Variants in PTPRN2 observed in about 807,000 individuals in gnomAD.
PTPRN2 encodes the protein protein tyrosine phosphatase receptor type N2, also known as receptor-type tyrosine-protein phosphatase N2.
In PTPRN2, 74 loss-of-function variants were observed where a neutral mutation model predicts 118.8. That is an observed-to-expected ratio of 0.62 (90% CI 0.52 to 0.76). The LOEUF is 0.76. PTPRN2 is among the 30% of genes least tolerant of loss of function. PTPRN2 has a pLI of 0.00. For synonymous variants in PTPRN2, 641 were observed against 608.0 expected (o/e 1.05, Z -0.80); for missense variants, 1,481 against 1,394.4 (o/e 1.06, Z -0.99).
Position 158,570,931 on chromosome 7 carries a change from CA to C in PTPRN2, c.112+16626del, listed in dbSNP as rs1586961942. On this transcript the variant is annotated intron_variant, in intron 1 of 22. Coordinates refer to ENST00000389418, the MANE Select transcript of PTPRN2 (RefSeq NM_002847.5). The surrounding 1 kb of genome is among the most constrained non-coding windows in gnomAD (Gnocchi z 4.5). ...TCCTCTGCTCAGAAGCCCACCCCTG[CA>C]GAGCAAAGCCCGGGTCCCGGATGGC... 6.6e-6 allele frequency among the ~76,000 whole-genome samples: 1 copy of C among 152,242 alleles called. No individual in the cohort carries two copies. Among genetic ancestry groups the C allele is most frequent in the South Asian group, 2.1e-4 (1 of 4,834 alleles).
chr7:158,042,183 A>G (rs1217357254), intron 11 of PTPRN2, among the ~76,000 whole-genome samples: 1 of 152,210 alleles, frequency 6.6e-6, no homozygotes, highest in Non-Finnish European at 1.5e-5. Flanking sequence ...TTTTGGGTGC[A>G]TACTTCATAC....
At chr7:157,800,886 A>T (rs935461298) in intron 12 of PTPRN2, among the ~76,000 whole-genome samples, 5 of 151,792 alleles carry the variant, frequency 3.3e-5, no homozygotes, top group African/African-American at 7.3e-5. Flanking sequence ...CGGGAGGCGG[A>T]GCTTGCAGTG....
At chr7:157,722,066 T>C (rs1799270319) in intron 12 of PTPRN2, among the ~76,000 whole-genome samples, 1 of 151,972 alleles carries the variant, frequency 6.6e-6, no homozygotes, top group Admixed American at 6.5e-5. Flanking sequence ...AGAAACATTG[T>C]CTGTATCTGG....
At chr7:158,346,507 T>C (rs528785946) in intron 2 of PTPRN2, among the ~76,000 whole-genome samples, 6 of 152,378 alleles carry the variant, frequency 3.9e-5, no homozygotes, top group African/African-American at 1.4e-4. Flanking sequence ...TGTGTCTTTA[T>C]CCATCCATCT....
chr7:157,646,938 C>T (rs1016330231), intron 14 of PTPRN2, among the ~76,000 whole-genome samples: 4 of 148,146 alleles, frequency 2.7e-5, no homozygotes, highest in Non-Finnish European at 4.4e-5. Context: ...TGGGTCAGAC[C>T]CATCCAGGGT....
chr7:158,393,895 C>T (rs1812133898), intron 2 of PTPRN2, among the ~76,000 whole-genome samples: 1 of 152,054 alleles, frequency 6.6e-6, no homozygotes, highest in South Asian at 2.1e-4. Flanking sequence ...GCCACGTCCC[C>T]TAACACACAA....
chr7:157,587,685 C>T lies in PTPRN2; in HGVS notation c.2496+7553G>A, dbSNP rs1800755302. On this transcript the variant is annotated intron_variant, in intron 17 of 22. Transcript: ENST00000389418. This position sits in a 1 kb window ranked among gnomAD's most constrained non-coding sequence, Gnocchi z 5.3. ...CCAGTGGGACACCTGCTGACTTCAG[C>T]GAGCGCTTTGTGCTCTCTCTGGGGG... 6.6e-6 allele frequency among the ~76,000 whole-genome samples: 1 copy of T among 152,222 alleles called. No individual in the cohort carries two copies. The highest frequency in any genetic ancestry group is 1.5e-5 in the Non-Finnish European group (1 of 68,034).
chr7:157,724,681 T>G (rs1409146119), intron 12 of PTPRN2, among the ~76,000 whole-genome samples: 1 of 152,234 alleles, frequency 6.6e-6, no homozygotes, highest in Admixed American at 6.5e-5. Context: ...CAAAGCCTGT[T>G]TATGATAAAG....
At chr7:157,715,617 C>T (rs1345993815) in intron 12 of PTPRN2, among the ~76,000 whole-genome samples, 3 of 152,194 alleles carry the variant, frequency 2.0e-5, no homozygotes, top group African/African-American at 2.4e-5. Flanking sequence ...AAATCTAAAC[C>T]ACTCCAGAAA....
intron 2 of PTPRN2, among the ~76,000 whole-genome samples, chr7:158,394,106 A>G (rs1460333906): frequency 9.0e-6 from 1 of 110,852 alleles, no homozygotes; most frequent in East Asian, 2.6e-4. Context: ...TCTCTCCCAC[A>G]GACACCTGGA....
chr7:158,182,066 T>C (rs1824758486), intron 5 of PTPRN2, among the ~76,000 whole-genome samples: 1 of 152,254 alleles, frequency 6.6e-6, no homozygotes, highest in Non-Finnish European at 1.5e-5. Flanking sequence ...AACTTTCCTC[T>C]TAGCATTGCT....
chr7:157,877,890 A>G (rs1023644203), intron 12 of PTPRN2, among the ~76,000 whole-genome samples: 1 of 152,204 alleles, frequency 6.6e-6, no homozygotes, highest in Non-Finnish European at 1.5e-5. Context: ...GGAGAAGAGG[A>G]ACAGGAAATA....
intron 22 of PTPRN2, among the ~76,000 whole-genome samples, chr7:157,547,585 A>G (rs945115728): frequency 1.3e-5 from 2 of 151,990 alleles, no homozygotes; most frequent in African/African-American, 4.8e-5. Context: ...CTCGCAACAC[A>G]TGCCGAATGC....
In PTPRN2 at chr7:157,619,194, G is replaced by A. The variant is rs1234161970; in HGVS notation, c.2344+2168C>T. 2.0e-5 allele frequency among the ~76,000 whole-genome samples: 3 copies of A among 152,098 alleles called. No homozygotes were observed. Among genetic ancestry groups the A allele is most frequent in the African/African-American group, 4.8e-5 (2 of 41,410 alleles). ...GGGCACACGGGAGGAAAACCCCATC[G>A]GCAGGTCGTTTCTGCCACGCTCCGG... On this transcript the variant is annotated intron_variant, in intron 15 of 22. Transcript: ENST00000389418. The surrounding 1 kb of genome is among the most constrained non-coding windows in gnomAD (Gnocchi z 5.3).
At chr7:158,151,654 C>G (rs1159270123) in intron 6 of PTPRN2, among the ~76,000 whole-genome samples, 1 of 152,108 alleles carries the variant, frequency 6.6e-6, no homozygotes, top group South Asian at 2.1e-4. Context: ...CTCCCCCGCC[C>G]CCTCCTTCTT....
chr7:158,086,369 C>G (rs1034317203), intron 10 of PTPRN2, among the ~76,000 whole-genome samples: 1 of 152,206 alleles, frequency 6.6e-6, no homozygotes, highest in Non-Finnish European at 1.5e-5. Flanking sequence ...GCCTTTTCCT[C>G]CTTAAACCCC....
intron 2 of PTPRN2, among the ~76,000 whole-genome samples, chr7:158,472,438 A>G (rs138256871): frequency 2.6e-5 from 4 of 152,326 alleles, no homozygotes; most frequent in Non-Finnish European, 5.9e-5. Flanking sequence ...ATCTAACACG[A>G]TAACATATAA....
intron 17 of PTPRN2, among the ~76,000 whole-genome samples, chr7:157,589,247 G>A (rs550805852): frequency 2.0e-5 from 3 of 152,144 alleles, no homozygotes; most frequent in Non-Finnish European, 4.4e-5. Flanking sequence ...TCAATGGCTC[G>A]GCCAAATGAG....
intron 2 of PTPRN2, among the ~76,000 whole-genome samples, chr7:158,449,785 A>G (rs2129437888): frequency 1.3e-5 from 2 of 152,348 alleles, no homozygotes; most frequent in Middle Eastern, 6.8e-3. Flanking sequence ...TAGTTCATTC[A>G]CAATCGCATA....
Sources: allele counts gnomAD v4.1 joint callset (sites outside exome capture counted in the v4.1 genomes callset), GRCh38; gene constraint gnomAD v4.1.1; non-coding constraint Gnocchi (gnomAD v3.1); transcripts MANE v1.5; gene names NCBI Gene and HGNC (gene_info 2026-07-23, HGNC 2026-07-21).